The following ANXA10 variants were observed in gnomAD, a reference collection of about 807,000 sequenced individuals.
The protein encoded by ANXA10 is annexin A10.
ANXA10 carries 49 observed loss-of-function variants against 53.5 expected under a neutral mutation model. The observed-to-expected ratio is 0.92, with a 90% CI of 0.73 to 1.16. The LOEUF (loss-of-function observed/expected upper bound fraction) is 1.16. ANXA10 is among the 50% of genes most tolerant of loss of function. The probability of loss-of-function intolerance (pLI) is 0.00; values close to 1 mark genes in which losing one functional copy is unlikely to be tolerated. For missense variants in ANXA10, 393 were observed against 394.4 expected (o/e 1.00, Z 0.03); for synonymous variants, 131 against 128.9 (o/e 1.02, Z -0.11).
chr4:168,110,877 A>T (rs1279253647), intron 1 of ANXA10, among the ~76,000 whole-genome samples: 1 of 152,232 alleles, frequency 6.6e-6, no homozygotes, highest in African/African-American at 2.4e-5. Context: ...TTTCAATGAT[A>T]GTCTATCAGT....
At chr4:168,133,846 T>C (rs1731193781) in intron 2 of ANXA10, among the ~76,000 whole-genome samples, 2 of 152,090 alleles carry the variant, frequency 1.3e-5, no homozygotes, top group Admixed American at 6.6e-5. Context: ...TTGATAAAAT[T>C]ATGATGGTTC....
At chr4:168,167,689 T>C (rs1165016862) in intron 6 of ANXA10, among the ~76,000 whole-genome samples, 1 of 152,206 alleles carries the variant, frequency 6.6e-6, no homozygotes, top group Non-Finnish European at 1.5e-5. Context: ...TGTGATCTAC[T>C]TGCTTTTGGT....
At chr4:168,096,930 G>GTATATATA (rs1560956143) in intron 1 of ANXA10, among the ~76,000 whole-genome samples, 1 of 38,250 alleles carries the variant, frequency 2.6e-5, no homozygotes, top group Non-Finnish European at 5.9e-5. Flanking sequence ...ATATATATAT[G>GTATATATA]TATGTATATG....
intron 1 of ANXA10, among the ~76,000 whole-genome samples, chr4:168,105,504 A>G (rs978459321): frequency 1.3e-5 from 2 of 152,004 alleles, no homozygotes; most frequent in Non-Finnish European, 2.9e-5. Context: ...CATTTTCTTT[A>G]TCCAGTCTAC....
At chr4:168,118,777 C>T (rs575053361) in intron 1 of ANXA10, among the ~76,000 whole-genome samples, 34 of 152,234 alleles carry the variant, frequency 2.2e-4, no homozygotes, top group African/African-American at 7.7e-4. Flanking sequence ...ATTCTGCAAA[C>T]ATTGCTGAAA....
chr4:168,168,737 C>T (rs932002644), intron 6 of ANXA10, among the ~76,000 whole-genome samples: 5 of 152,102 alleles, frequency 3.3e-5, no homozygotes, highest in Non-Finnish European at 7.4e-5. Context: ...TATTTCAAAG[C>T]TGTGAAAAAG....
chr4:168,182,568 C>A (rs1320065058), intron 10 of ANXA10, among the ~76,000 whole-genome samples: 1 of 148,676 alleles, frequency 6.7e-6, no homozygotes, highest in Non-Finnish European at 1.5e-5. Context: ...TTCCTGACTT[C>A]GTGATCCGCC....
chr4:168,185,491 G>C (rs1241431823), intron 11 of ANXA10, among the ~76,000 whole-genome samples: 1 of 152,162 alleles, frequency 6.6e-6, no homozygotes, highest in Non-Finnish European at 1.5e-5. Context: ...TATCCCTTTA[G>C]CCCTTGAAGG....
Position 168,162,564 on chromosome 4 carries a change from C to T in ANXA10, c.232C>T (p.His78Tyr). ...IGDMREQLSDHFKDVMAGLMY... is the reference protein window; with the variant it reads ...IGDMREQLSDYFKDVMAGLMY... Reference sequence around the variant, plus strand: ...GGATATGAGGGAGCAGCTTTCGGATCACTTCAAAGATGTGATGGCTGGCCT... The same window carrying T: ...GGATATGAGGGAGCAGCTTTCGGATTACTTCAAAGATGTGATGGCTGGCCT... Residue 78 changes from histidine (H) to tyrosine (Y), a missense_variant, in exon 4 of 12, where the codon CAC (histidine) becomes TAC (tyrosine). Coordinates refer to ENST00000359299, the MANE Select transcript of ANXA10 (RefSeq NM_007193.5). The T allele has an allele frequency of 8.1e-6, 13 of 1,613,906 alleles. No individual in the cohort carries two copies. The highest frequency in any genetic ancestry group is 1.1e-5 in the Non-Finnish European group (13 of 1,179,884).
At chr4:168,129,218 T>C (rs1731120412) in intron 2 of ANXA10, among the ~76,000 whole-genome samples, 1 of 152,098 alleles carries the variant, frequency 6.6e-6, no homozygotes, top group Non-Finnish European at 1.5e-5. Context: ...CAGTATCCCA[T>C]AGGAAAACAA....
chr4:168,182,318 A>ATTTTT (rs542260478), intron 10 of ANXA10, among the ~76,000 whole-genome samples: 5,307 of 49,630 alleles, frequency 0.11, 1,635 homozygotes, highest in Non-Finnish European at 0.13. Flanking sequence ...TGGAGCATTA[A>ATTTTT]TTTTTTTTTT....
rs535397928 is a variant in ANXA10 at position 168,178,150 on chromosome 4, C to T, written c.628+167C>T. 20 of 599,450 alleles carry T rather than the reference C, an allele frequency of 3.3e-5. No homozygotes were observed. The East Asian group carries it at 5.7e-4, about 17-fold the overall frequency. The allele number at this position is 599,450 out of a possible 1,614,324, so 37.1% of individuals were successfully genotyped here. The stretch of plus-strand genomic sequence containing the variant: ...TTATAAGATGTGCCTTATTTAATGA[C>T]ATTACTAAGGAATAAATATTTCCTT... On this transcript the variant is annotated intron_variant, in intron 8 of 11. Coordinates refer to ENST00000359299, the MANE Select transcript of ANXA10 (RefSeq NM_007193.5).
chr4:168,107,065 T>C (rs1300775554), intron 1 of ANXA10, among the ~76,000 whole-genome samples: 1 of 152,178 alleles, frequency 6.6e-6, no homozygotes, highest in Non-Finnish European at 1.5e-5. Context: ...TGCAGGTTAG[T>C]TGAGAGCCTC....
At chr4:168,132,742 A>AAT (rs1363986732) in intron 2 of ANXA10, among the ~76,000 whole-genome samples, 1 of 152,086 alleles carries the variant, frequency 6.6e-6, no homozygotes, top group Non-Finnish European at 1.5e-5. Context: ...GTACCCCATA[A>AAT]ATATATATAC....
At chr4:168,101,846 CTG>C (rs2149464400) in intron 1 of ANXA10, among the ~76,000 whole-genome samples, 1 of 152,216 alleles carries the variant, frequency 6.6e-6, no homozygotes, top group East Asian at 1.9e-4. Context: ...ATCGATTTCT[CTG>C]TCTCTATCCA....
At position 168,184,658 on chromosome 4, in the gene ANXA10, A is replaced by C; in HGVS notation, c.883A>C (p.Lys295Gln). ...GAAACGATACAAAGAGCGATATGGA[A>C]AATCCCTATTTCATGATATCAGAGT... The part of the protein sequence containing the change: ...IRKRYKERYG[K>Q]SLFHDIRNFA... The change falls in exon 11 of 12, where the codon AAA becomes CAA. Residue 295 changes from lysine to glutamine, a missense_variant. Physicochemically the swap from Lys to Gln is moderately conservative, Grantham distance 53. Coordinates refer to ENST00000359299, the MANE Select transcript of ANXA10 (RefSeq NM_007193.5). The C allele has an allele frequency of 6.2e-7, 1 of 1,614,056 alleles. No homozygotes were observed. The highest frequency in any genetic ancestry group is 8.5e-7 in the Non-Finnish European group (1 of 1,179,966).
chr4:168,106,206 C>T (rs1221768514), intron 1 of ANXA10, among the ~76,000 whole-genome samples: 2 of 152,014 alleles, frequency 1.3e-5, no homozygotes, highest in African/African-American at 2.4e-5. Context: ...ATTCCTATTA[C>T]TTGGGTACTT....
intron 1 of ANXA10, among the ~76,000 whole-genome samples, chr4:168,118,577 A>AC (rs1730935318): frequency 6.6e-6 from 1 of 152,108 alleles, no homozygotes; most frequent in Non-Finnish European, 1.5e-5. Flanking sequence ...ATGAATGGGG[A>AC]GTTGGTACCC....
At position 168,156,183 on chromosome 4, in the gene ANXA10, T is replaced by TTATATATTATATATTA. The variant is rs1553957750; in HGVS notation, c.196-6331_196-6330insTATATATATTATATAT. Reference sequence around the variant, plus strand: ...TATATTATATATATTATATTATATATTATATATTATATATAATATATATTA... The same window carrying TTATATATTATATATTA: ...TATATTATATATATTATATTATATATTATATATTATATATTATATATATTATATATAATATATATTA... On this transcript the variant is annotated intron_variant, in intron 3 of 11. Coordinates refer to ENST00000359299, the MANE Select transcript of ANXA10 (RefSeq NM_007193.5). Among the ~76,000 whole-genome samples the TTATATATTATATATTA allele has an allele frequency of 7.5e-3, 339 of 45,200 alleles. 9 individuals carry two copies. The highest frequency in any genetic ancestry group is 0.033 in the African/African-American group (323 of 9,910). 29.7% of individuals were successfully genotyped at this position (45,200 alleles called of 152,430 possible).
Sources: allele counts gnomAD v4.1 joint callset (sites outside exome capture counted in the v4.1 genomes callset), GRCh38; gene constraint gnomAD v4.1.1; transcripts MANE v1.5; gene names NCBI Gene and HGNC (gene_info 2026-07-23, HGNC 2026-07-21).